The following POF1B variants were observed in gnomAD, a reference collection of about 807,000 sequenced individuals.
POF1B encodes protein POF1B.
Under a neutral mutation model 55.3 loss-of-function variants are expected in POF1B, and 53 were observed. That is an observed-to-expected ratio of 0.96 (90% CI 0.77 to 1.20). POF1B has a LOEUF of 1.20. POF1B is among the 50% of genes most tolerant of loss of function. The pLI is 0.00. For synonymous variants in POF1B, 188 were observed against 148.3 expected (o/e 1.27, Z -1.95); for missense variants, 478 against 420.5 (o/e 1.14, Z -1.20).
intron 12 of POF1B, 28 bp from the exon 13 acceptor site, chrX:85,305,938 A>T: frequency 8.4e-7 from 1 of 1,193,618 alleles, no homozygotes; most frequent in Non-Finnish European, 1.1e-6. Context: ...ACTATCTGTA[A>T]TTGGATTGTT....
chrX:85,320,868 T>C (rs978881698), intron 7 of POF1B, among the ~76,000 whole-genome samples: 7 of 110,313 alleles, frequency 6.3e-5, no homozygotes, highest in Non-Finnish European at 9.5e-5. Flanking sequence ...CCTCGACACA[T>C]ACACTCTCCC....
intron 6 of POF1B, among the ~76,000 whole-genome samples, chrX:85,334,166 T>C (rs777890871): frequency 1.8e-5 from 2 of 111,019 alleles, no homozygotes; most frequent in South Asian, 7.6e-4. Context: ...CTCAAAGCTA[T>C]CTTTTTTGTT....
chrX:85,338,079 T>C (rs746468715), intron 6 of POF1B, among the ~76,000 whole-genome samples: 2 of 111,610 alleles, frequency 1.8e-5, no homozygotes, highest in East Asian at 5.7e-4. Flanking sequence ...TAAGTTCTAG[T>C]GCCCAGCATG....
At chrX:85,309,916 T>C (rs931080051) in intron 9 of POF1B, among the ~76,000 whole-genome samples, 79 of 111,853 alleles carry the variant, frequency 7.1e-4, no homozygotes, top group African/African-American at 2.4e-3. Flanking sequence ...GTTGAGACTG[T>C]GAAGGGAGCT....
At chrX:85,312,975 TTGTC>T (rs1480983451) in intron 9 of POF1B, among the ~76,000 whole-genome samples, 1 of 111,801 alleles carries the variant, frequency 8.9e-6, no homozygotes, top group African/African-American at 3.3e-5. Context: ...GGCCCTCTGT[TTGTC>T]TATTATTGAT....
intron 7 of POF1B, among the ~76,000 whole-genome samples, chrX:85,325,039 A>T (rs1932882748): frequency 8.9e-6 from 1 of 111,968 alleles, no homozygotes; most frequent in Non-Finnish European, 1.9e-5. Flanking sequence ...TTTGGCTTGT[A>T]GGATTTCTAC....
intron 7 of POF1B, among the ~76,000 whole-genome samples, chrX:85,321,846 G>A (rs1718225642): frequency 9.2e-6 from 1 of 108,434 alleles, no homozygotes; most frequent in Admixed American, 9.8e-5. Context: ...ATTCACAATT[G>A]CTTAAAAGAG....
chrX:85,343,171 C>T (rs1323841940), intron 6 of POF1B, among the ~76,000 whole-genome samples: 3 of 108,420 alleles, frequency 2.8e-5, no homozygotes, highest in African/African-American at 1.0e-4. Flanking sequence ...TACATGTATC[C>T]GAGAACTTAA....
At chrX:85,362,948 T>C (rs756107641) in intron 3 of POF1B, among the ~76,000 whole-genome samples, 1 of 111,185 alleles carries the variant, frequency 9.0e-6, no homozygotes, top group Non-Finnish European at 1.9e-5. Flanking sequence ...GCTCAGAGAT[T>C]CAATTTTTTT....
chrX:85,332,753 A>C (rs1569290505), intron 6 of POF1B, among the ~76,000 whole-genome samples: 1 of 111,662 alleles, frequency 9.0e-6, no homozygotes, highest in Non-Finnish European at 1.9e-5. Flanking sequence ...AAAGTGAGAC[A>C]CAAAAAAAGT....
intron 4 of POF1B, among the ~76,000 whole-genome samples, chrX:85,355,215 C>G (rs1933468580): frequency 9.0e-6 from 1 of 111,577 alleles, no homozygotes; most frequent in African/African-American, 3.3e-5. Flanking sequence ...GGAAAGGATT[C>G]CCTACTTAAT....
At chrX:85,304,882 A>G (rs1333782344) in intron 13 of POF1B, among the ~76,000 whole-genome samples, 1 of 111,712 alleles carries the variant, frequency 9.0e-6, no homozygotes, top group Non-Finnish European at 1.9e-5. Flanking sequence ...GTCCCATGAA[A>G]TAAGCATTAT....
At chrX:85,318,147 A>G (rs1932804048) in intron 7 of POF1B, among the ~76,000 whole-genome samples, 1 of 111,651 alleles carries the variant, frequency 9.0e-6, no homozygotes, top group South Asian at 3.7e-4. Flanking sequence ...GGGTGATGAA[A>G]TAATCTGTAC....
intron 13 of POF1B, among the ~76,000 whole-genome samples, chrX:85,304,873 T>A (rs970153048): frequency 9.0e-6 from 1 of 111,514 alleles, no homozygotes; most frequent in Non-Finnish European, 1.9e-5. Flanking sequence ...CTCACAGCAG[T>A]CCCATGAAAT....
chrX:85,341,149 A>G (rs1229580387), intron 6 of POF1B, among the ~76,000 whole-genome samples: 3 of 111,255 alleles, frequency 2.7e-5, no homozygotes, highest in African/African-American at 9.8e-5. Flanking sequence ...ACACTGATAA[A>G]TCAAGACATA....
rs762547134 is a variant in POF1B at position 85,371,914 on chromosome X, T to G, written c.283-4148A>C. Among the ~76,000 whole-genome samples the G allele has an allele frequency of 2.7e-5, 3 of 112,386 alleles. No homozygotes were observed. In the South Asian group the frequency reaches 1.1e-3, roughly 41 times the overall value. On this transcript the variant is annotated intron_variant, in intron 2 of 16. Coordinates refer to ENST00000262753, the MANE Select transcript of POF1B (RefSeq NM_024921.4). ...TGTTTAATGCTCATATCATCTAATC[T>G]CTTCAATTTTGCAGGAAGACCTTAC... is the stretch of plus-strand genomic sequence containing the variant.
chrX:85,333,405 C>A (rs761224179), intron 6 of POF1B, among the ~76,000 whole-genome samples: 2 of 111,413 alleles, frequency 1.8e-5, no homozygotes, highest in East Asian at 5.6e-4. Context: ...AAGAAATAAA[C>A]AAGAATGAGT....
chrX:85,331,137 T>A, intron 6 of POF1B, 58 bp from the exon 7 acceptor site: 2 of 1,071,036 alleles, frequency 1.9e-6, no homozygotes, highest in Admixed American at 2.8e-5. Context: ...AGTTCATAGA[T>A]ATTTTTATGT....
intron 7 of POF1B, among the ~76,000 whole-genome samples, chrX:85,328,165 CTTTTTTATTTATTTAT>C: frequency 9.8e-6 from 1 of 101,751 alleles, no homozygotes; most frequent in East Asian, 3.4e-4. Flanking sequence ...TATACAATAT[CTTTTTTATTTATTTAT>C]TTATTTATTT....
Sources: allele counts gnomAD v4.1 joint callset (sites outside exome capture counted in the v4.1 genomes callset), GRCh38; gene constraint gnomAD v4.1.1; transcripts MANE v1.5; gene names NCBI Gene and HGNC (gene_info 2026-07-23, HGNC 2026-07-21).